Variants in EPS15 observed in about 807,000 individuals in gnomAD.
The protein encoded by EPS15 is epidermal growth factor receptor pathway substrate 15, also known as epidermal growth factor receptor substrate 15.
EPS15 carries 72 observed loss-of-function variants against 113.8 expected under a neutral mutation model. The ratio of observed to expected loss-of-function variants is 0.63; its 90% confidence interval spans 0.52 to 0.77. EPS15 has a LOEUF of 0.77. Among genes scored for constraint, EPS15 ranks in the 30% least tolerant of loss-of-function variants. The pLI is 0.00. For synonymous variants in EPS15, 344 were observed against 363.4 expected (o/e 0.95, Z 0.61); for missense variants, 1,048 against 1,045.8 (o/e 1.00, Z -0.03).
intron 1 of EPS15, among the ~76,000 whole-genome samples, chr1:51,499,429 A>G (rs1485239473): frequency 1.3e-5 from 2 of 152,152 alleles, no homozygotes; most frequent in Non-Finnish European, 2.9e-5. Context: ...ATGCTGCTAT[A>G]AACATTACTG....
chr1:51,426,475 T>C (rs954431118), intron 12 of EPS15, among the ~76,000 whole-genome samples: 4 of 150,216 alleles, frequency 2.7e-5, no homozygotes, highest in Non-Finnish European at 4.4e-5. Flanking sequence ...CCTGTCATAC[T>C]TAATTTTATG....
chr1:51,456,087 G>A (rs1271828391), intron 8 of EPS15, among the ~76,000 whole-genome samples: 1 of 152,074 alleles, frequency 6.6e-6, no homozygotes, highest in Non-Finnish European at 1.5e-5. Flanking sequence ...GGCAACAGAA[G>A]TTATACAGGT....
intron 21 of EPS15, chr1:51,373,209 G>C (rs887990597): frequency 1.3e-5 from 2 of 153,888 alleles, no homozygotes; most frequent in Non-Finnish European, 2.9e-5. Context: ...AGAAAGAAAA[G>C]AAAAAGGAGA....
intron 13 of EPS15, among the ~76,000 whole-genome samples, chr1:51,415,402 C>T (rs1012013424): frequency 6.6e-6 from 1 of 152,106 alleles, no homozygotes. Flanking sequence ...TGAGGAAATA[C>T]CTAACATTAA....
At chr1:51,483,982 G>C (rs1179105126) in intron 1 of EPS15, among the ~76,000 whole-genome samples, 2 of 152,054 alleles carry the variant, frequency 1.3e-5, no homozygotes, top group Admixed American at 1.3e-4. Context: ...ATAGTGGCAT[G>C]CATCTATAGT....
At chr1:51,473,567 G>A (rs1424737351) in intron 2 of EPS15, among the ~76,000 whole-genome samples, 2 of 151,878 alleles carry the variant, frequency 1.3e-5, no homozygotes, top group East Asian at 3.8e-4. Flanking sequence ...ACAGAATGAG[G>A]TCACAAGAAC....
intron 17 of EPS15, among the ~76,000 whole-genome samples, chr1:51,402,984 T>C (rs955173474): frequency 3.3e-5 from 5 of 152,190 alleles, no homozygotes; most frequent in African/African-American, 7.2e-5. Context: ...CATTTTTCTC[T>C]TTCCTTCACC....
At chr1:51,439,667 ATT>A (rs1418356077) in intron 12 of EPS15, among the ~76,000 whole-genome samples, 1 of 152,120 alleles carries the variant, frequency 6.6e-6, no homozygotes, top group Non-Finnish European at 1.5e-5. Context: ...ATCAAATTGT[ATT>A]TGAGTCTGTT....
intron 1 of EPS15, among the ~76,000 whole-genome samples, chr1:51,483,853 T>A (rs533812103): frequency 3.3e-5 from 5 of 150,854 alleles, no homozygotes; most frequent in Admixed American, 6.6e-5. Flanking sequence ...ATGCCTGTAA[T>A]CCCAGGAGGG....
At chr1:51,416,616 G>C (rs1175897450) in intron 13 of EPS15, among the ~76,000 whole-genome samples, 1 of 152,056 alleles carries the variant, frequency 6.6e-6, no homozygotes, top group East Asian at 1.9e-4. Context: ...TATCCCCCAT[G>C]AAGTGCTATG....
Position 51,383,713 on chromosome 1 carries a change from C to A in EPS15, c.2119+10668G>T, listed in dbSNP as rs182791817. ...GGTCCGTGGCCCAGGGTTTGGGGAT[C>A]CCTGCAATATAGTAGTGGAAGTCCT... is the stretch of plus-strand genomic sequence containing the variant. On this transcript the variant is annotated intron_variant, in intron 21 of 24. Coordinates refer to ENST00000371733, the MANE Select transcript of EPS15 (RefSeq NM_001981.3). 7.2e-5 allele frequency among the ~76,000 whole-genome samples: 11 copies of A among 152,206 alleles called. No homozygotes were observed. In the East Asian group the frequency reaches 1.5e-3, roughly 21 times the overall value.
At chr1:51,370,849 C>T (rs1202125620) in intron 21 of EPS15, among the ~76,000 whole-genome samples, 1 of 151,832 alleles carries the variant, frequency 6.6e-6, no homozygotes, top group Non-Finnish European at 1.5e-5. Flanking sequence ...GAACTCCTGA[C>T]CTCAGGTGAT....
chr1:51,361,044 G>A (rs778363245), intron 24 of EPS15, 127 bp downstream of exon 24: 32 of 711,294 alleles, frequency 4.5e-5, no homozygotes, highest in Non-Finnish European at 5.9e-5. Flanking sequence ...CTTGGGGGAA[G>A]AATGAAAGAT....
At chr1:51,381,109 T>TTCAATGTGAATAAAACAGAAGA (rs149333981) in intron 21 of EPS15, among the ~76,000 whole-genome samples, 4,571 of 152,242 alleles carry the variant, frequency 0.03, 74 homozygotes, top group African/African-American at 0.05. Flanking sequence ...ATATCTCACT[T>TTCAATGTGAATAAAACAGAAGA]TCAATAAGGA....
At chr1:51,507,419 T>A (rs955496685) in intron 1 of EPS15, among the ~76,000 whole-genome samples, 1 of 151,986 alleles carries the variant, frequency 6.6e-6, no homozygotes, top group Non-Finnish European at 1.5e-5. Flanking sequence ...TCCCAGCACT[T>A]TGGGAGGCTG....
intron 21 of EPS15, among the ~76,000 whole-genome samples, chr1:51,367,513 A>G (rs574617102): frequency 3.5e-4 from 54 of 152,264 alleles, no homozygotes; most frequent in African/African-American, 1.2e-3. Flanking sequence ...AGATCATGAC[A>G]CTGCACTCCA....
chr1:51,375,495 G>A (rs187568137), intron 21 of EPS15, among the ~76,000 whole-genome samples: 502 of 152,292 alleles, frequency 3.3e-3, no homozygotes, highest in Non-Finnish European at 5.6e-3. Context: ...AATAAGGGTA[G>A]AAGGGTACCA....
chr1:51,372,717 A>G (rs1274590254), intron 21 of EPS15: 15 of 408,068 alleles, frequency 3.7e-5, no homozygotes, highest in Non-Finnish European at 6.6e-5. Flanking sequence ...AACCTCAAAA[A>G]CATTTGAGCA....
chr1:51,384,475 A>AT (rs746014750), intron 21 of EPS15, among the ~76,000 whole-genome samples: 2 of 150,978 alleles, frequency 1.3e-5, no homozygotes, highest in African/African-American at 4.9e-5. Context: ...TAATTTTTGC[A>AT]TTTTTTTGTA....
Sources: gnomAD v4.1 joint callset for allele counts (sites outside exome capture counted in the v4.1 genomes callset) on GRCh38, gnomAD v4.1.1 for gene constraint, MANE v1.5 for transcripts, NCBI Gene and HGNC (gene_info 2026-07-23, HGNC 2026-07-21) for gene names.